The following PPP1R17 variants were observed in gnomAD, a reference collection of about 807,000 sequenced individuals.
The protein encoded by PPP1R17 is protein phosphatase 1 regulatory subunit 17, also known as G-substrate.
Under a neutral mutation model 15.9 loss-of-function variants are expected in PPP1R17, and 12 were observed. The ratio of observed to expected loss-of-function variants is 0.75; its 90% CI spans 0.48 to 1.22. The LOEUF (loss-of-function observed/expected upper bound fraction) is 1.22. Ranked by LOEUF, PPP1R17 falls within the 50% of genes most tolerant of loss-of-function variation. The pLI, the probability that PPP1R17 is intolerant of heterozygous loss-of-function variation, is 0.00. For missense variants in PPP1R17, 211 were observed against 187.3 expected, an observed-to-expected ratio of 1.13 and a Z score of -0.74; for synonymous variants, 63 against 64.5, an observed-to-expected ratio of 0.98 and a Z score of 0.11.
intron 2 of PPP1R17, among the ~76,000 whole-genome samples, chr7:31,694,326 A>G (rs766556770): frequency 1.1e-4 from 17 of 151,806 alleles, no homozygotes; most frequent in Non-Finnish European, 1.9e-4. Flanking sequence ...CATCTGAAGT[A>G]TATCAACTGT....
At chr7:31,688,032 G>C (rs563023139) in intron 1 of PPP1R17, among the ~76,000 whole-genome samples, 1 of 152,288 alleles carries the variant, frequency 6.6e-6, no homozygotes, top group Admixed American at 6.5e-5. Flanking sequence ...GAGAAGGCCA[G>C]AGATGGGATA....
At chr7:31,697,147 G>A (rs770306143) in intron 4 of PPP1R17, 30 bp downstream of exon 4, 5 of 1,611,014 alleles carry the variant, frequency 3.1e-6, no homozygotes, top group Non-Finnish European at 4.2e-6. Context: ...GCATTTGCAG[G>A]GGGTGATGGG....
At chr7:31,692,037 C>T (rs1439238272) in intron 1 of PPP1R17, among the ~76,000 whole-genome samples, 1 of 152,154 alleles carries the variant, frequency 6.6e-6, no homozygotes, top group African/African-American at 2.4e-5. Flanking sequence ...CAGAACTCAA[C>T]AGAAAAAACA....
chr7:31,704,167 C>T (rs1176542068), intron 4 of PPP1R17, among the ~76,000 whole-genome samples: 2 of 152,170 alleles, frequency 1.3e-5, no homozygotes, highest in Admixed American at 6.5e-5. Context: ...AGATCAAAAT[C>T]CTGCACTTCT....
intron 2 of PPP1R17, among the ~76,000 whole-genome samples, chr7:31,693,571 C>T (rs1028323493): frequency 1.3e-5 from 2 of 152,168 alleles, no homozygotes; most frequent in Admixed American, 6.5e-5. Flanking sequence ...AAGAGTATAA[C>T]ACCGTTGTAG....
chr7:31,707,242 G>A lies in PPP1R17; in HGVS notation c.427G>A (p.Val143Met), dbSNP rs367827815. The change falls in exon 5 of 5, where the codon GTG becomes ATG. Residue 143 changes from valine to methionine, a missense_variant. Physicochemically the swap from Val to Met is conservative, Grantham distance 21. Coordinates refer to ENST00000342032, the MANE Select transcript of PPP1R17 (RefSeq NM_006658.5). ...CAGGGACGAGAGACCCAAAGCAATC[G>A]TGGAAGATGACGAAAAGGATGGTGA... is the stretch of plus-strand genomic sequence containing the variant. ...LLRDERPKAI[V>M]EDDEKDGDKI... is the part of the protein sequence containing the mutation. 3.4e-5 allele frequency: 55 copies of A among 1,613,940 alleles called. 1 individual carries two copies. Among genetic ancestry groups the A allele is most frequent in the East Asian group, 1.6e-4 (7 of 44,900 alleles).
intron 4 of PPP1R17, among the ~76,000 whole-genome samples, chr7:31,705,727 G>A (rs551929941): frequency 2.2e-5 from 3 of 134,984 alleles, no homozygotes; most frequent in African/African-American, 5.6e-5. Flanking sequence ...TTTATGAAAT[G>A]CTTCATGGAC....
chr7:31,690,065 A>C (rs537383844), intron 1 of PPP1R17, among the ~76,000 whole-genome samples: 13 of 152,300 alleles, frequency 8.5e-5, no homozygotes, highest in African/African-American at 2.9e-4. Context: ...GACATGTTTG[A>C]TTATTCAATT....
intron 1 of PPP1R17, among the ~76,000 whole-genome samples, chr7:31,687,836 A>G (rs1440896711): frequency 6.6e-6 from 1 of 152,236 alleles, no homozygotes; most frequent in Non-Finnish European, 1.5e-5. Flanking sequence ...GGCTGTGGAT[A>G]CAACCTTCTA....
chr7:31,699,100 G>T (rs1178466685), intron 4 of PPP1R17, among the ~76,000 whole-genome samples: 1 of 152,178 alleles, frequency 6.6e-6, no homozygotes, highest in Admixed American at 6.5e-5. Context: ...TGCTAAAGCA[G>T]GGAAAAGGAG....
rs1435926773 is a variant in PPP1R17, at chr7:31,696,978, A to G, written c.249A>G (p.Glu83=). ...IPPFIPGVFS[E]HLIKRYDVQE... ...CTAACCATGCAGGTGTGTTTTCAGA[A>G]CATTTAATTAAAAGATACGATGTTC... Residue 83 remains glutamate, a synonymous_variant, in exon 4 of 5, where the codon GAA becomes GAG. Coordinates refer to ENST00000342032, the MANE Select transcript of PPP1R17 (RefSeq NM_006658.5). 1.2e-6 allele frequency: 2 copies of G among 1,614,102 alleles called. No homozygotes were observed. The highest frequency in any genetic ancestry group is 1.1e-5 in the South Asian group (1 of 91,046).
chr7:31,700,479 A>G (rs1792797893), intron 4 of PPP1R17, among the ~76,000 whole-genome samples: 1 of 152,238 alleles, frequency 6.6e-6, no homozygotes, highest in Admixed American at 6.5e-5. Context: ...GCCATCTCCC[A>G]TAAAAGTGCA....
intron 1 of PPP1R17, among the ~76,000 whole-genome samples, chr7:31,689,616 C>T (rs1792254763): frequency 6.6e-6 from 1 of 152,136 alleles, no homozygotes; most frequent in African/African-American, 2.4e-5. Context: ...AAGAGCGCCC[C>T]TTCTCACTGA....
intron 2 of PPP1R17, 132 bp downstream of exon 2, chr7:31,692,655 C>G (rs1033535176): frequency 2.6e-6 from 2 of 761,140 alleles, no homozygotes; most frequent in African/African-American, 3.5e-5. Flanking sequence ...TGGTGACAGC[C>G]AACACCAGAT....
Position 31,696,965 on chromosome 7 carries a change from G to T in PPP1R17, c.236G>T (p.Gly79Val), listed in dbSNP as rs1402885047. ...TCTCTGTGTTCCCCTAACCATGCAG[G>T]TGTGTTTTCAGAACATTTAATTAAA... ...PALHIPPFIP[G>V]VFSEHLIKRY... Residue 79 changes from glycine (G) to valine (V), a missense_variant and splice_region_variant, in exon 4 of 5, where the codon GGT becomes GTT. Physicochemically the swap from Gly to Val is moderately radical, Grantham distance 109 (BLOSUM62 -3). Transcript: ENST00000342032. 3 of 1,613,746 alleles carry T rather than the reference G, an allele frequency of 1.9e-6. No homozygotes were observed. Among genetic ancestry groups the T allele is most frequent in the Non-Finnish European group, 2.5e-6 (3 of 1,179,904 alleles).
At chr7:31,693,999 C>T (rs537438529) in intron 2 of PPP1R17, among the ~76,000 whole-genome samples, 25 of 152,238 alleles carry the variant, frequency 1.6e-4, no homozygotes, top group African/African-American at 2.4e-4. Flanking sequence ...TGAATCCTAA[C>T]GGAATAGTTT....
intron 4 of PPP1R17, among the ~76,000 whole-genome samples, chr7:31,699,569 G>T (rs1322892585): frequency 2.6e-5 from 4 of 152,092 alleles, no homozygotes; most frequent in Admixed American, 2.0e-4. Flanking sequence ...CTAGAGGTTT[G>T]CAGTGTTAAT....
chr7:31,697,188 C>T (rs1792624606), intron 4 of PPP1R17, 71 bp downstream of exon 4: 4 of 1,558,182 alleles, frequency 2.6e-6, no homozygotes, highest in African/African-American at 1.4e-5. Flanking sequence ...ATCTGGAGGT[C>T]CCCAGGGCCT....
chr7:31,703,199 A>G (rs1395275190), intron 4 of PPP1R17, among the ~76,000 whole-genome samples: 1 of 152,208 alleles, frequency 6.6e-6, no homozygotes, highest in Non-Finnish European at 1.5e-5. Flanking sequence ...AGTTCCTTCC[A>G]TTCTCTGTTC....
Sources: allele counts gnomAD v4.1 joint callset (sites outside exome capture counted in the v4.1 genomes callset), GRCh38; gene constraint gnomAD v4.1.1; transcripts MANE v1.5; gene names NCBI Gene and HGNC (gene_info 2026-07-23, HGNC 2026-07-21).